Variants in RNU2-2 observed in about 807,000 individuals in gnomAD.
RNU2-2 encodes RNA, U2 small nuclear 2, also known as RNA, U2 small nuclear 2, pseudogene.
At chr11:62,841,743 G>GA in the RNU2-2 span, 2 of 152,164 alleles carry the variant, frequency 1.3e-5, no homozygotes, top group Non-Finnish European at 2.9e-5. Context: ...GATAGAGGAC[G>GA]TATCAGATAT....
the RNU2-2 span, chr11:62,841,749 G>GATATT: frequency 6.6e-6 from 1 of 152,188 alleles, no homozygotes; most frequent in African/African-American, 2.4e-5. Context: ...GGACGTATCA[G>GATATT]ATATTAAACT....
the RNU2-2 span, chr11:62,841,690 T>G: frequency 2.0e-4 from 30 of 152,216 alleles, no homozygotes; most frequent in Non-Finnish European, 2.8e-4. Flanking sequence ...AAGCTCCTAT[T>G]CCATCTCCTA....
At chr11:62,841,687 T>C in the RNU2-2 span, 6 of 152,224 alleles carry the variant, frequency 3.9e-5, no homozygotes, top group South Asian at 4.1e-4. Context: ...AGCAAGCTCC[T>C]ATTCCATCTC....
the RNU2-2 span, chr11:62,841,652 C>G: frequency 2.6e-5 from 4 of 152,234 alleles, no homozygotes; most frequent in Non-Finnish European, 4.4e-5. Flanking sequence ...TACTGCAATA[C>G]CAGGTCGATG....
the RNU2-2 span, chr11:62,841,686 C>CTATTCCA: frequency 6.6e-6 from 1 of 151,962 alleles, no homozygotes; most frequent in Non-Finnish European, 1.5e-5. Flanking sequence ...GAGCAAGCTC[C>CTATTCCA]TATTCCATCT....
At chr11:62,841,716 TTAATA>T in the RNU2-2 span, 1 of 152,312 alleles carries the variant, frequency 6.6e-6, no homozygotes, top group Non-Finnish European at 1.5e-5. Context: ...AAAAATCCAT[TTAATA>T]TATTGTCCTC....
chr11:62,841,749 G>C, the RNU2-2 span: 11 of 152,188 alleles, frequency 7.2e-5, no homozygotes, highest in East Asian at 1.9e-4. Flanking sequence ...GGACGTATCA[G>C]ATATTAAACT....
At chr11:62,841,642 T>G in the RNU2-2 span, 2 of 152,354 alleles carry the variant, frequency 1.3e-5, no homozygotes, top group Admixed American at 6.5e-5. Flanking sequence ...TTCCTGGAAG[T>G]ACTGCAATAC....
At chr11:62,841,740 G>T in the RNU2-2 span, 3 of 152,138 alleles carry the variant, frequency 2.0e-5, no homozygotes, top group African/African-American at 7.2e-5. Context: ...TCGGATAGAG[G>T]ACGTATCAGA....
the RNU2-2 span, chr11:62,841,666 G>A: frequency 1.2e-4 from 19 of 152,202 alleles, no homozygotes; most frequent in African/African-American, 1.2e-4. Context: ...GTCGATGCGT[G>A]GAGTGGACGG....
the RNU2-2 span, chr11:62,841,655 G>T: frequency 1.3e-5 from 2 of 152,202 alleles, no homozygotes; most frequent in South Asian, 2.1e-4. Context: ...TGCAATACCA[G>T]GTCGATGCGT....
the RNU2-2 span, chr11:62,841,729 C>CTCGGATA: frequency 6.6e-6 from 1 of 152,124 alleles, no homozygotes; most frequent in South Asian, 2.1e-4. Context: ...ATATATTGTC[C>CTCGGATA]TCGGATAGAG....
At chr11:62,841,685 C>G in the RNU2-2 span, 1 of 151,984 alleles carries the variant, frequency 6.6e-6, no homozygotes, top group Non-Finnish European at 1.5e-5. Context: ...GGAGCAAGCT[C>G]CTATTCCATC....
At chr11:62,841,682 G>C in the RNU2-2 span, 1 of 151,982 alleles carries the variant, frequency 6.6e-6, no homozygotes, top group Non-Finnish European at 1.5e-5. Context: ...GACGGAGCAA[G>C]CTCCTATTCC....
the RNU2-2 span, chr11:62,841,672 G>T: frequency 1.3e-5 from 2 of 152,154 alleles, no homozygotes; most frequent in Admixed American, 1.3e-4. Context: ...GCGTGGAGTG[G>T]ACGGAGCAAG....
the RNU2-2 span, chr11:62,841,650 T>A: frequency 1.3e-5 from 2 of 152,220 alleles, no homozygotes; most frequent in Non-Finnish European, 2.9e-5. Flanking sequence ...AGTACTGCAA[T>A]ACCAGGTCGA....
At chr11:62,841,671 G>C in the RNU2-2 span, 2 of 152,142 alleles carry the variant, frequency 1.3e-5, no homozygotes, top group African/African-American at 2.4e-5. Flanking sequence ...TGCGTGGAGT[G>C]GACGGAGCAA....
At chr11:62,841,705 C>G in the RNU2-2 span, 1 of 152,158 alleles carries the variant, frequency 6.6e-6, no homozygotes. Flanking sequence ...CTCCTATTTC[C>G]AAAAATCCAT....
the RNU2-2 span, chr11:62,841,711 T>A: frequency 6.6e-6 from 1 of 152,170 alleles, no homozygotes. Flanking sequence ...TTTCCAAAAA[T>A]CCATTTAATA....
Sources: gnomAD v4.1 joint callset for allele counts on GRCh38, gnomAD v4.1.1 for gene constraint, MANE v1.5 for transcripts, NCBI Gene and HGNC (gene_info 2026-07-23, HGNC 2026-07-21) for gene names.